Variants in TENM4 observed in about 807,000 individuals in gnomAD.
TENM4 encodes the protein teneurin-4.
In TENM4, 82 loss-of-function variants were observed where a neutral mutation model predicts 243.3. The ratio of observed to expected loss-of-function variants is 0.34; its 90% CI spans 0.28 to 0.40. TENM4 has a LOEUF of 0.40. TENM4 is among the 10% of genes least tolerant of loss of function. The pLI, the probability that TENM4 is intolerant of heterozygous loss-of-function variation, is 1.00. For synonymous variants in TENM4, 1,412 were observed against 1,456.3 expected (o/e 0.97, Z 0.69); for missense variants, 3,138 against 3,673.3 (o/e 0.85, Z 3.77).
chr11:79,136,196 T>A (rs1178567791), intron 4 of TENM4, among the ~76,000 whole-genome samples: 1 of 152,004 alleles, frequency 6.6e-6, no homozygotes, highest in Non-Finnish European at 1.5e-5. Flanking sequence ...AATATAATAA[T>A]AATAAAAACA....
At chr11:79,081,530 A>AAGT (rs2137029533) in intron 4 of TENM4, among the ~76,000 whole-genome samples, 2 of 53,402 alleles carry the variant, frequency 3.7e-5, no homozygotes, top group African/African-American at 1.4e-4. Flanking sequence ...TTCCTGTCAG[A>AAGT]GGTGGTGTGT....
At chr11:79,157,008 C>T (rs1488555248) in intron 3 of TENM4, among the ~76,000 whole-genome samples, 1 of 152,112 alleles carries the variant, frequency 6.6e-6, no homozygotes, top group East Asian at 1.9e-4. Flanking sequence ...CACAAGGATG[C>T]TCAGTGAATG....
At chr11:78,900,811 T>C (rs1416548415) in intron 7 of TENM4, among the ~76,000 whole-genome samples, 1 of 152,314 alleles carries the variant, frequency 6.6e-6, no homozygotes, top group Admixed American at 6.5e-5. Flanking sequence ...AGCTTGTGAT[T>C]CAGTCTGCCA....
chr11:79,175,762 T>C (rs1262858382), intron 3 of TENM4, among the ~76,000 whole-genome samples: 1 of 152,156 alleles, frequency 6.6e-6, no homozygotes, highest in East Asian at 1.9e-4. Flanking sequence ...TAAGTATAAT[T>C]TACTGATGAG....
At chr11:79,397,136 A>T (rs902073324) in intron 1 of TENM4, among the ~76,000 whole-genome samples, 2 of 152,174 alleles carry the variant, frequency 1.3e-5, no homozygotes, top group Non-Finnish European at 2.9e-5. Flanking sequence ...GATGAGATTC[A>T]AGGAAAAGCA....
At chr11:79,422,736 C>T (rs1032488784) in intron 1 of TENM4, among the ~76,000 whole-genome samples, 2 of 152,126 alleles carry the variant, frequency 1.3e-5, no homozygotes, top group Non-Finnish European at 2.9e-5. Context: ...ACCTTGGCTC[C>T]CTGGTAGAAC....
At chr11:79,114,231 A>T (rs891293634) in intron 4 of TENM4, among the ~76,000 whole-genome samples, 6 of 152,192 alleles carry the variant, frequency 3.9e-5, no homozygotes, top group African/African-American at 1.4e-4. Flanking sequence ...ACAAAGTTGT[A>T]GCTGAAGTAC....
rs928085740 is a variant in TENM4 at position 78,900,911 on chromosome 11, G to A, written c.749+2357C>T. Among the ~76,000 whole-genome samples the A allele has an allele frequency of 3.9e-5, 6 of 152,300 alleles. No individual in the cohort carries two copies. The East Asian group carries it at 5.8e-4, about 15-fold the overall frequency. On this transcript the variant is annotated intron_variant, in intron 7 of 33. Transcript: ENST00000278550. ...AGCATCAAGATCTAGAATTCTGATT[G>A]TGTATTCACTGAATTAAGCACCTTT... is the stretch of plus-strand genomic sequence containing the variant.
chr11:79,057,066 G>A (rs1275906125), intron 6 of TENM4, among the ~76,000 whole-genome samples: 1 of 152,148 alleles, frequency 6.6e-6, no homozygotes, highest in East Asian at 1.9e-4. Context: ...TACAACCCTT[G>A]CCCATTCCTC....
chr11:79,276,311 C>G (rs1268945089), intron 2 of TENM4, among the ~76,000 whole-genome samples: 1 of 152,254 alleles, frequency 6.6e-6, no homozygotes, highest in African/African-American at 2.4e-5. Context: ...ACACTCTGCT[C>G]ACCCAGCCTT....
intron 2 of TENM4, among the ~76,000 whole-genome samples, chr11:79,256,264 TG>T (rs1344707490): frequency 1.3e-5 from 2 of 152,248 alleles, no homozygotes; most frequent in East Asian, 1.9e-4. Context: ...TTGCTAATCC[TG>T]GGGTGCTGCG....
At chr11:78,705,388 G>A (rs1364766055) in intron 27 of TENM4, among the ~76,000 whole-genome samples, 3 of 152,192 alleles carry the variant, frequency 2.0e-5, no homozygotes, top group Admixed American at 1.3e-4. Context: ...AGGAGAAGGG[G>A]CATTGCTCTT....
At chr11:78,989,206 G>A (rs947518954) in intron 6 of TENM4, among the ~76,000 whole-genome samples, 1 of 152,156 alleles carries the variant, frequency 6.6e-6, no homozygotes, top group Non-Finnish European at 1.5e-5. Flanking sequence ...CTCCTTACAC[G>A]TTATTATTAT....
chr11:79,057,569 T>G, intron 6 of TENM4, among the ~76,000 whole-genome samples: 1 of 152,156 alleles, frequency 6.6e-6, no homozygotes, highest in East Asian at 1.9e-4. Context: ...CCATAACAAC[T>G]ATTATAGAGA....
chr11:79,057,238 T>G (rs1427074082), intron 6 of TENM4, among the ~76,000 whole-genome samples: 1 of 152,088 alleles, frequency 6.6e-6, no homozygotes, highest in Non-Finnish European at 1.5e-5. Context: ...CTCAGAACCC[T>G]CCGTGGCTCC....
intron 3 of TENM4, among the ~76,000 whole-genome samples, chr11:79,207,457 A>G (rs1462120136): frequency 1.3e-5 from 2 of 152,218 alleles, no homozygotes; most frequent in Non-Finnish European, 2.9e-5. Flanking sequence ...CCAGAAGCAC[A>G]GTGTGGCTAG....
chr11:78,989,944 G>C (rs1432726180), intron 6 of TENM4, among the ~76,000 whole-genome samples: 2 of 151,884 alleles, frequency 1.3e-5, no homozygotes, highest in African/African-American at 4.8e-5. Flanking sequence ...TATAATTGTA[G>C]TCCCAGTTAC....
intron 6 of TENM4, among the ~76,000 whole-genome samples, chr11:79,012,163 G>T (rs577750987): frequency 6.6e-5 from 10 of 152,300 alleles, no homozygotes; most frequent in Non-Finnish European, 8.8e-5. Context: ...AATTTGATCA[G>T]CACAATTTCC....
At chr11:79,058,009 T>C (rs927112586) in intron 6 of TENM4, among the ~76,000 whole-genome samples, 8 of 152,180 alleles carry the variant, frequency 5.3e-5, no homozygotes, top group African/African-American at 1.9e-4. Flanking sequence ...CTCTAAAACA[T>C]GTACTTCAAA....
Sources: gnomAD v4.1 joint callset for allele counts (sites outside exome capture counted in the v4.1 genomes callset) on GRCh38, gnomAD v4.1.1 for gene constraint, MANE v1.5 for transcripts, NCBI Gene and HGNC (gene_info 2026-07-23, HGNC 2026-07-21) for gene names.